Variants in ENTREP2 observed in about 807,000 individuals in gnomAD.
ENTREP2 encodes the protein protein ENTREP2.
At chr15:29,549,415 G>A in the ENTREP2 span, among the ~76,000 whole-genome samples, 1 of 151,764 alleles carries the variant, frequency 6.6e-6, no homozygotes, top group Non-Finnish European at 1.5e-5. Flanking sequence ...GACTACAGGC[G>A]CCCACCACCA....
the ENTREP2 span, among the ~76,000 whole-genome samples, chr15:29,357,840 CTGAAA>C: frequency 3.4e-5 from 5 of 145,524 alleles, no homozygotes; most frequent in East Asian, 9.9e-4. Context: ...GAGCGAGACT[CTGAAA>C]AGAAAAGAAA....
the ENTREP2 span, among the ~76,000 whole-genome samples, chr15:29,144,252 T>C: frequency 4.6e-5 from 7 of 152,266 alleles, no homozygotes; most frequent in Non-Finnish European, 8.8e-5. Flanking sequence ...AATACATACA[T>C]ACTGAACCCA....
chr15:29,661,079 A>C, the ENTREP2 span, among the ~76,000 whole-genome samples: 1 of 152,204 alleles, frequency 6.6e-6, no homozygotes, highest in Non-Finnish European at 1.5e-5. Flanking sequence ...TGATTTGTAA[A>C]GAATTCTCCA....
the ENTREP2 span, among the ~76,000 whole-genome samples, chr15:29,184,515 C>T: frequency 6.6e-6 from 1 of 152,188 alleles, no homozygotes; most frequent in African/African-American, 2.4e-5. Context: ...AAATCTGGAT[C>T]TACCACCAGT....
chr15:29,344,833 G>A, the ENTREP2 span, among the ~76,000 whole-genome samples: 20 of 151,960 alleles, frequency 1.3e-4, no homozygotes, highest in African/African-American at 4.8e-4. Flanking sequence ...ATTGAAATGA[G>A]GAGTGCCCTG....
At chr15:29,402,639 C>G in the ENTREP2 span, among the ~76,000 whole-genome samples, 230 of 152,162 alleles carry the variant, frequency 1.5e-3, no homozygotes, top group African/African-American at 5.4e-3. Context: ...CATGTAGAAA[C>G]GTTCACACTA....
At chr15:29,134,470 TG>T in the ENTREP2 span, among the ~76,000 whole-genome samples, 4 of 152,138 alleles carry the variant, frequency 2.6e-5, no homozygotes, top group African/African-American at 9.7e-5. Context: ...GAGGATGTGC[TG>T]GGGGCTCACG....
At chr15:29,200,386 G>C in the ENTREP2 span, among the ~76,000 whole-genome samples, 2 of 152,076 alleles carry the variant, frequency 1.3e-5, no homozygotes, top group African/African-American at 4.8e-5. Context: ...ATGTTGGCCA[G>C]GCTGGTCTCG....
chr15:29,534,656 C>T, the ENTREP2 span, among the ~76,000 whole-genome samples: 1 of 152,114 alleles, frequency 6.6e-6, no homozygotes. Context: ...TGAGCTAAGC[C>T]TCTGGTACTC....
At chr15:29,151,811 C>T in the ENTREP2 span, 13 of 1,551,484 alleles carry the variant, frequency 8.4e-6, no homozygotes, top group South Asian at 1.2e-4. Flanking sequence ...GTGGACAGGA[C>T]GTTGAGGGCA....
At chr15:29,305,340 G>C in the ENTREP2 span, among the ~76,000 whole-genome samples, 1 of 152,198 alleles carries the variant, frequency 6.6e-6, no homozygotes, top group African/African-American at 2.4e-5. Context: ...ATTTTGAACT[G>C]GGGAGTGACA....
the ENTREP2 span, among the ~76,000 whole-genome samples, chr15:29,644,396 T>C: frequency 6.6e-6 from 1 of 152,216 alleles, no homozygotes. Flanking sequence ...GCACTTTACA[T>C]GGGCAGATTG....
chr15:29,176,204 A>AC, the ENTREP2 span, among the ~76,000 whole-genome samples: 1 of 152,022 alleles, frequency 6.6e-6, no homozygotes, highest in Non-Finnish European at 1.5e-5. Flanking sequence ...AAAGATACAG[A>AC]CCTCTTTTCC....
chr15:29,154,353 C>T, the ENTREP2 span, among the ~76,000 whole-genome samples: 3 of 152,090 alleles, frequency 2.0e-5, no homozygotes, highest in Admixed American at 2.0e-4. Flanking sequence ...TGAAAGCAGA[C>T]ATCTCCATCT....
At chr15:29,411,893 A>G in the ENTREP2 span, among the ~76,000 whole-genome samples, 1 of 152,172 alleles carries the variant, frequency 6.6e-6, no homozygotes. Context: ...CCTGCCCTGC[A>G]TCGTTTCATA....
the ENTREP2 span, chr15:29,196,626 G>A: frequency 1.3e-5 from 20 of 1,515,394 alleles, no homozygotes; most frequent in African/African-American, 2.2e-4. Flanking sequence ...GAGGGTACGC[G>A]TGAGTGACAC....
the ENTREP2 span, among the ~76,000 whole-genome samples, chr15:29,190,869 C>A: frequency 6.6e-6 from 1 of 152,218 alleles, no homozygotes; most frequent in Admixed American, 6.5e-5. Context: ...AATTGCCAAC[C>A]AAAAAGAAGC....
the ENTREP2 span, among the ~76,000 whole-genome samples, chr15:29,521,769 T>C: frequency 6.6e-6 from 1 of 152,176 alleles, no homozygotes; most frequent in Non-Finnish European, 1.5e-5. Context: ...ACACTGTCCC[T>C]TGGGGAATTG....
chr15:29,491,373 G>A, the ENTREP2 span, among the ~76,000 whole-genome samples: 1 of 152,316 alleles, frequency 6.6e-6, no homozygotes, highest in East Asian at 1.9e-4. Context: ...AGCAGACATC[G>A]AGGCCCAGGA....
Sources: gnomAD v4.1 joint callset for allele counts (sites outside exome capture counted in the v4.1 genomes callset) on GRCh38, gnomAD v4.1.1 for gene constraint, MANE v1.5 for transcripts, NCBI Gene and HGNC (gene_info 2026-07-23, HGNC 2026-07-21) for gene names.